The following BRIP1 variants were observed in gnomAD, a reference collection of about 807,000 sequenced individuals.
BRIP1 encodes Fanconi anemia group J protein.
BRIP1 carries 88 observed loss-of-function variants against 119.7 expected under a neutral mutation model. That is an observed-to-expected ratio of 0.74 (90% CI 0.62 to 0.88). The LOEUF (loss-of-function observed/expected upper bound fraction) is 0.88. BRIP1 is among the 40% of genes least tolerant of loss of function. BRIP1 has a pLI of 0.00. For synonymous variants in BRIP1, 443 were observed against 496.5 expected (o/e 0.89, Z 1.43); for missense variants, 1,259 against 1,455.4 (o/e 0.87, Z 2.20).
rs551822821 is a variant in BRIP1, at chr17:61,712,119, A to T, written c.2492+3832T>A. On this transcript the variant is annotated intron_variant, in intron 17 of 19. Coordinates refer to ENST00000259008, the MANE Select transcript of BRIP1 (RefSeq NM_032043.3). The stretch of plus-strand genomic sequence containing the variant: ...TACACAAGACACCAGAAAAATAAAA[A>T]TTTTTTATTTGACTGGTTAAGATTA... 7.4e-4 allele frequency among the ~76,000 whole-genome samples: 113 copies of T among 152,194 alleles called. 2 individuals are homozygous for T. Among genetic ancestry groups the T allele is most frequent in the South Asian group, 1.9e-3 (9 of 4,826 alleles).
rs773458521 is a variant in BRIP1, at chr17:61,689,278, A to T, written c.2576-3113T>A. On this transcript the variant is annotated intron_variant, in intron 18 of 19. Coordinates refer to ENST00000259008, the MANE Select transcript of BRIP1 (RefSeq NM_032043.3). This position sits in a 1 kb window ranked among gnomAD's most constrained non-coding sequence, Gnocchi z 4.5. ...AGGCTGGTCTTGAACTCCTGACCTC[A>T]AGTGATCCACCTTCCTCAGCCTCCC... Among the ~76,000 whole-genome samples the T allele has an allele frequency of 9.2e-5, 14 of 152,022 alleles. No homozygotes were observed. The highest frequency in any genetic ancestry group is 2.1e-4 in the Non-Finnish European group (14 of 68,006).
rs534622250 is a variant in BRIP1 at position 61,730,406 on chromosome 17, T to C, written c.2379+12607A>G. ...AAAAATTAGTTATTTTCAGAGAAGC[T>C]AAAAAACAATCCCACCACTGCCCTT... On this transcript the variant is annotated intron_variant, in intron 16 of 19. Transcript: ENST00000259008. The surrounding 1 kb of genome is among the most constrained non-coding windows in gnomAD (Gnocchi z 4.3). 3.3e-4 allele frequency among the ~76,000 whole-genome samples: 50 copies of C among 152,274 alleles called. No homozygotes were observed. Among genetic ancestry groups the C allele is most frequent in the African/African-American group, 1.2e-3 (49 of 41,556 alleles).
rs1374555016 is a variant in BRIP1, at chr17:61,734,366, T to A, written c.2379+8647A>T. Among the ~76,000 whole-genome samples, 1 of 152,236 alleles carries A rather than the reference T, an allele frequency of 6.6e-6. No individual in the cohort carries two copies. The highest frequency in any genetic ancestry group is 1.5e-5 in the Non-Finnish European group (1 of 68,034). Reference sequence around the variant, plus strand: ...TTGGTTCATTCTCATGCCCCTCAAATGCTTTGGTTTAGTGCACAGAAAGTT... The same window carrying A: ...TTGGTTCATTCTCATGCCCCTCAAAAGCTTTGGTTTAGTGCACAGAAAGTT... On this transcript the variant is annotated intron_variant, in intron 16 of 19. Transcript: ENST00000259008. The surrounding 1 kb of genome is among the most constrained non-coding windows in gnomAD (Gnocchi z 5.2).
Position 61,861,516 on chromosome 17 carries a change from A to T in BRIP1, c.24T>A (p.Tyr8Ter), listed in dbSNP as rs752411477. 3 of 1,612,594 alleles carry T rather than the reference A, an allele frequency of 1.9e-6. No homozygotes were observed. Among genetic ancestry groups the T allele is most frequent in the Non-Finnish European group, 2.5e-6 (3 of 1,178,836 alleles). Reference protein sequence around the residue: MSSMWSEYTIGGVKIYFP... With the variant: MSSMWSE ...AGTAAATCTTCACCCCACCAATTGT[A>T]TATTCAGACCACATTGAAGACATAG... The change falls in exon 2 of 20, where the codon TAT (tyrosine) becomes TAA (stop). Residue 8 changes from tyrosine to a stop codon, truncating the protein, a stop_gained. Coordinates refer to ENST00000259008, the MANE Select transcript of BRIP1 (RefSeq NM_032043.3). LOFTEE classifies it high-confidence loss of function. The surrounding 1 kb of genome is among the most constrained non-coding windows in gnomAD (Gnocchi z 4.5).
chr17:61,712,900 C>T (rs1009292721), intron 17 of BRIP1, among the ~76,000 whole-genome samples: 6 of 18,162 alleles, frequency 3.3e-4, no homozygotes, highest in African/African-American at 9.0e-4. Context: ...GAGACTTCAT[C>T]TCAAAAAAAA....
rs137987646 is a variant in BRIP1 at position 61,824,307 on chromosome 17, A to T, written c.628-15550T>A. On this transcript the variant is annotated intron_variant, in intron 6 of 19. Transcript: ENST00000259008. The surrounding 1 kb of genome is among the most constrained non-coding windows in gnomAD (Gnocchi z 4.3). ...AATGAAGTTTCTTGCAGAAATAGAAAATACCATCCTAAAATTCACATGGAT... is the reference window on the plus strand; with the variant it reads ...AATGAAGTTTCTTGCAGAAATAGAATATACCATCCTAAAATTCACATGGAT... 2.3e-3 allele frequency among the ~76,000 whole-genome samples: 351 copies of T among 152,326 alleles called. 2 individuals are homozygous for T. The highest frequency in any genetic ancestry group is 3.5e-3 in the Non-Finnish European group (235 of 68,018).
rs1012380518 is a variant in BRIP1, at chr17:61,780,032, TAGA to T, written c.1935+226_1935+228del. Among the ~76,000 whole-genome samples, 3 of 152,208 alleles carry T rather than the reference TAGA, an allele frequency of 2.0e-5. No homozygotes were observed. Among genetic ancestry groups the T allele is most frequent in the Non-Finnish European group, 4.4e-5 (3 of 68,022 alleles). Reference sequence around the variant, plus strand: ...TTTCATTACAAAACTAAAACTTACTTAGAAGAAGAAGCTGAAATACAGCCTTTT... The same window carrying T: ...TTTCATTACAAAACTAAAACTTACTTAGAAGAAGCTGAAATACAGCCTTTT... On this transcript the variant is annotated intron_variant, in intron 13 of 19. Transcript: ENST00000259008. This position sits in a 1 kb window ranked among gnomAD's most constrained non-coding sequence, Gnocchi z 5.4.
Position 61,808,169 on chromosome 17 carries a change from C to T in BRIP1, c.918+298G>A, listed in dbSNP as rs1401007905. On this transcript the variant is annotated intron_variant, in intron 7 of 19. Coordinates refer to ENST00000259008, the MANE Select transcript of BRIP1 (RefSeq NM_032043.3). The surrounding 1 kb of genome is among the most constrained non-coding windows in gnomAD (Gnocchi z 4.1). ...ACACTTCTATCTCCTCATATGATAT[C>T]ATCCAAGTTTGACTATTTTTGGTAG... Among the ~76,000 whole-genome samples, 1 of 152,028 alleles carries T rather than the reference C, an allele frequency of 6.6e-6. No homozygotes were observed. The highest frequency in any genetic ancestry group is 2.4e-5 in the African/African-American group (1 of 41,394).
In BRIP1 at chr17:61,816,467, T is replaced by C. The variant is rs2078238522; in HGVS notation, c.628-7710A>G. 6.6e-6 allele frequency among the ~76,000 whole-genome samples: 1 copy of C among 152,186 alleles called. No individual in the cohort carries two copies. The highest frequency in any genetic ancestry group is 2.4e-5 in the African/African-American group (1 of 41,448). ...TGTTTTTTGATACCATAAGTGTTTG[T>C]TACCCTACTCTCCACTTACTGTTTA... On this transcript the variant is annotated intron_variant, in intron 6 of 19. Transcript: ENST00000259008. This position sits in a 1 kb window ranked among gnomAD's most constrained non-coding sequence, Gnocchi z 5.0.
At chr17:61,772,207 AT>A (rs1157908713) in intron 14 of BRIP1, among the ~76,000 whole-genome samples, 47 of 106,298 alleles carry the variant, frequency 4.4e-4, no homozygotes, top group African/African-American at 6.5e-4. Flanking sequence ...ATATATATAT[AT>A]AAAATGAAAT....
At position 61,770,852 on chromosome 17, in the gene BRIP1, A is replaced by T. The variant is rs538275768; in HGVS notation, c.2097+5549T>A. Among the ~76,000 whole-genome samples, 26 of 152,334 alleles carry T rather than the reference A, an allele frequency of 1.7e-4. No individual in the cohort carries two copies. The highest frequency in any genetic ancestry group is 3.4e-3 in the Middle Eastern group (1 of 294). On this transcript the variant is annotated intron_variant, in intron 14 of 19. Transcript: ENST00000259008. The surrounding 1 kb of genome is among the most constrained non-coding windows in gnomAD (Gnocchi z 4.7). Reference sequence around the variant, plus strand: ...TATCTATTAGATTCAAAAGGCAATGATAGAGAAATAGAGGGGGAAAAGGCA... The same window carrying T: ...TATCTATTAGATTCAAAAGGCAATGTTAGAGAAATAGAGGGGGAAAAGGCA...
chr17:61,814,123 T>A lies in BRIP1; in HGVS notation c.628-5366A>T, dbSNP rs2078203960. 6.6e-6 allele frequency among the ~76,000 whole-genome samples: 1 copy of A among 152,022 alleles called. No homozygotes were observed. Among genetic ancestry groups the A allele is most frequent in the South Asian group, 2.1e-4 (1 of 4,832 alleles). Reference sequence around the variant, plus strand: ...AAGAGTCAGCAAAAGAGCCAGACAGTAAACATTTCAAGCTTCAAAGGCTAT... The same window carrying A: ...AAGAGTCAGCAAAAGAGCCAGACAGAAAACATTTCAAGCTTCAAAGGCTAT... On this transcript the variant is annotated intron_variant, in intron 6 of 19. Coordinates refer to ENST00000259008, the MANE Select transcript of BRIP1 (RefSeq NM_032043.3). The surrounding 1 kb of genome is among the most constrained non-coding windows in gnomAD (Gnocchi z 4.9).
At chr17:61,714,007 A>T (rs2061820591) in intron 17 of BRIP1, among the ~76,000 whole-genome samples, 2 of 152,198 alleles carry the variant, frequency 1.3e-5, no homozygotes, top group African/African-American at 2.4e-5. Context: ...TAAAAAGTTT[A>T]TAAAGTAAAA....
chr17:61,801,055 G>T (rs62068834), intron 8 of BRIP1, among the ~76,000 whole-genome samples, 198 bp downstream of exon 8: 3 of 151,924 alleles, frequency 2.0e-5, no homozygotes, highest in Non-Finnish European at 4.4e-5. Flanking sequence ...CCTTAAAACT[G>T]CTTGTTATTT....
intron 19 of BRIP1, 48 bp downstream of exon 19, chr17:61,685,788 T>C (rs1380090149): frequency 2.8e-6 from 4 of 1,450,242 alleles, no homozygotes; most frequent in Admixed American, 1.7e-5. Flanking sequence ...TCACTAAATA[T>C]AATGAAAGAC....
intron 17 of BRIP1, among the ~76,000 whole-genome samples, chr17:61,697,941 G>A (rs1463401886): frequency 2.0e-5 from 3 of 152,136 alleles, no homozygotes; most frequent in Admixed American, 6.5e-5. Flanking sequence ...AAGTAGCTGG[G>A]ATTACAGGCA....
intron 13 of BRIP1, among the ~76,000 whole-genome samples, chr17:61,779,308 A>G (rs2077578501): frequency 6.6e-6 from 1 of 152,194 alleles, no homozygotes; most frequent in Admixed American, 6.5e-5. Context: ...TGGGCATGGT[A>G]GTACATGCCT....
At chr17:61,749,604 A>G (rs1186683322) in intron 14 of BRIP1, among the ~76,000 whole-genome samples, 2 of 152,200 alleles carry the variant, frequency 1.3e-5, no homozygotes, top group Admixed American at 6.5e-5. Flanking sequence ...TAAAATAACT[A>G]TTAGTGAAGA....
rs753504744 is a variant in BRIP1 at position 61,767,328 on chromosome 17, G to A, written c.2097+9073C>T. ...GGGTCTTGCTATTGGCCAAGCTGGAGTGCAGTGGTGTGATCACAGCTCACT... is the reference window on the plus strand; with the variant it reads ...GGGTCTTGCTATTGGCCAAGCTGGAATGCAGTGGTGTGATCACAGCTCACT... On this transcript the variant is annotated intron_variant, in intron 14 of 19. Transcript: ENST00000259008. This position sits in a 1 kb window ranked among gnomAD's most constrained non-coding sequence, Gnocchi z 5.7. 6.6e-6 allele frequency among the ~76,000 whole-genome samples: 1 copy of A among 152,104 alleles called. No homozygotes were observed. Among genetic ancestry groups the A allele is most frequent in the East Asian group, 1.9e-4 (1 of 5,190 alleles).
Sources: allele counts gnomAD v4.1 joint callset (sites outside exome capture counted in the v4.1 genomes callset), GRCh38; gene constraint gnomAD v4.1.1; non-coding constraint Gnocchi (gnomAD v3.1); transcripts MANE v1.5; gene names NCBI Gene and HGNC (gene_info 2026-07-23, HGNC 2026-07-21).